Variants in EPHA10 observed in about 807,000 individuals in gnomAD.
EPHA10 encodes the protein ephrin type-A receptor 10.
Under a neutral mutation model 109.7 loss-of-function variants are expected in EPHA10, and 120 were observed. That is an observed-to-expected ratio of 1.09 (90% confidence interval 0.94 to 1.27). The LOEUF (loss-of-function observed/expected upper bound fraction) is 1.27. Among genes scored for constraint, EPHA10 ranks in the 50% most tolerant of loss-of-function variants. The pLI is 0.00. For synonymous variants in EPHA10, 640 were observed against 618.9 expected (o/e 1.03, Z -0.51); for missense variants, 1,396 against 1,411.1 (o/e 0.99, Z 0.17).
At position 37,764,434 on chromosome 1, in the gene EPHA10, C is replaced by G. The variant is rs1646458356; in HGVS notation, c.106+527G>C. 6.6e-6 allele frequency among the ~76,000 whole-genome samples: 1 copy of G among 152,234 alleles called. No individual in the cohort carries two copies. The highest frequency in any genetic ancestry group is 2.4e-5 in the African/African-American group (1 of 41,474). ...GCCTCAAACCCGGCAACGCGGAGCG[C>G]GCCCGGCAGACTACGCTCAGAATTC... On this transcript the variant is annotated intron_variant, in intron 1 of 16. Coordinates refer to ENST00000373048, the MANE Select transcript of EPHA10 (RefSeq NM_001099439.2). The surrounding 1 kb of genome is among the most constrained non-coding windows in gnomAD (Gnocchi z 5.8).
rs746011474 is a variant in EPHA10 at position 37,765,059 on chromosome 1, G to T, written c.8C>A (p.Thr3Asn). The T allele has an allele frequency of 1.3e-6, 2 of 1,598,478 alleles. No homozygotes were observed. Among genetic ancestry groups the T allele is most frequent in the South Asian group, 2.3e-5 (2 of 88,840 alleles). The stretch of plus-strand genomic sequence containing the variant: ...GCGCAGCGGGTGTGGACCGGCGCAG[G>T]TCTCCATGGTCCGCAGACCGAGCTG... ME[T>N]CAGPHPLRLF... Residue 3 changes from threonine to asparagine, a missense_variant, in exon 1 of 17, where the codon ACC becomes AAC. Transcript: ENST00000373048.
chr1:37,717,032 C>CCCCCCCCCCACAAA lies in EPHA10; in HGVS notation c.*1339_*1340insTTTGTGGGGGGGGG. ...CTTGTCTCCTCTTTCCCGCCCCATC[C>CCCCCCCCCCACAAA]CACCCCACCAACACACAGCCAAGCA... is the stretch of plus-strand genomic sequence containing the variant. On this transcript the variant is annotated 3_prime_UTR_variant, in exon 17 of 17. Coordinates refer to ENST00000373048, the MANE Select transcript of EPHA10 (RefSeq NM_001099439.2). 1 of 226,610 alleles carries CCCCCCCCCCACAAA rather than the reference C, an allele frequency of 4.4e-6. No homozygotes were observed. Among genetic ancestry groups the CCCCCCCCCCACAAA allele is most frequent in the East Asian group, 6.3e-5 (1 of 15,896 alleles). 14.0% of individuals were successfully genotyped at this position (226,610 alleles called of 1,614,324 possible).
intron 7 of EPHA10, among the ~76,000 whole-genome samples, chr1:37,727,973 T>G (rs1227019636): frequency 6.6e-6 from 1 of 152,130 alleles, no homozygotes; most frequent in African/African-American, 2.4e-5. Context: ...TGAATGGGCC[T>G]ACGGGTGAGA....
rs1387034193 is a variant in EPHA10 at position 37,735,369 on chromosome 1, A to G, written c.1379T>C (p.Ile460Thr). ...GPGAPWEEDE[I>T]RRDRVEPQSV... ...CTGGGGTTCCACTCGGTCCCTGCGG[A>G]TCTCATCCTCCTCCCAGGGCGCTGA... Residue 460 changes from isoleucine (I) to threonine (T), a missense_variant, in exon 6 of 17, where the codon ATC becomes ACC. Coordinates refer to ENST00000373048, the MANE Select transcript of EPHA10 (RefSeq NM_001099439.2). 6.3e-7 allele frequency: 1 copy of G among 1,580,346 alleles called. No homozygotes were observed. Among genetic ancestry groups the G allele is most frequent in the East Asian group, 2.3e-5 (1 of 43,394 alleles).
intron 4 of EPHA10, among the ~76,000 whole-genome samples, chr1:37,753,767 G>A (rs1429626744): frequency 6.6e-6 from 1 of 152,004 alleles, no homozygotes. Context: ...AGAGACGGGG[G>A]CGTGGGGGCC....
At chr1:37,731,716 A>C in intron 6 of EPHA10, 134 bp from the exon 7 acceptor site, 1 of 929,798 alleles carries the variant, frequency 1.1e-6, no homozygotes, top group Non-Finnish European at 1.5e-6. Flanking sequence ...ACCCAACCTC[A>C]ATCATCTTGG....
At position 37,764,528 on chromosome 1, in the gene EPHA10, C is replaced by G. The variant is rs1646459147; in HGVS notation, c.106+433G>C. Among the ~76,000 whole-genome samples the G allele has an allele frequency of 6.6e-6, 1 of 152,092 alleles. No individual in the cohort carries two copies. The highest frequency in any genetic ancestry group is 1.5e-5 in the Non-Finnish European group (1 of 68,022). ...GGATCCAGCCCCCTCGACCAGCATTCCACCTTCTGTTGGCCACACTGTGGT... is the reference window on the plus strand; with the variant it reads ...GGATCCAGCCCCCTCGACCAGCATTGCACCTTCTGTTGGCCACACTGTGGT... On this transcript the variant is annotated intron_variant, in intron 1 of 16. Transcript: ENST00000373048. This position sits in a 1 kb window ranked among gnomAD's most constrained non-coding sequence, Gnocchi z 5.8.
At chr1:37,724,385 T>C (rs999570208) in intron 8 of EPHA10, among the ~76,000 whole-genome samples, 4 of 151,968 alleles carry the variant, frequency 2.6e-5, no homozygotes, top group Non-Finnish European at 4.4e-5. Context: ...TGTCTGGAGC[T>C]TGGAAGAGAG....
intron 5 of EPHA10, among the ~76,000 whole-genome samples, chr1:37,736,283 C>A (rs1646068814): frequency 6.6e-6 from 1 of 151,938 alleles, no homozygotes; most frequent in African/African-American, 2.4e-5. Flanking sequence ...TCGAGACCAG[C>A]CTGATCAAAT....
In EPHA10 at chr1:37,765,010, G is replaced by A. The variant is rs1448554554; in HGVS notation, c.57C>T (p.Leu19=). 2 of 1,611,238 alleles carry A rather than the reference G, an allele frequency of 1.2e-6. No individual in the cohort carries two copies. The highest frequency in any genetic ancestry group is 1.7e-5 in the Admixed American group (1 of 59,784). ...PLRLFLCRMQ[L]CLALLLGPWR... ...AGGGTCCCAAAAGCAGCGCGAGACA[G>A]AGCTGCATCCGGCAGAGGAAGAGGC... The change falls in exon 1 of 17, where the codon CTC becomes CTT. Residue 19 remains leucine, a synonymous_variant. Coordinates refer to ENST00000373048, the MANE Select transcript of EPHA10 (RefSeq NM_001099439.2).
Position 37,761,714 on chromosome 1 carries a change from C to T in EPHA10, c.541G>A (p.Gly181Arg). Residue 181 changes from glycine (G) to arginine (R), a missense_variant, in exon 3 of 17, where the codon GGA becomes AGA. By Grantham distance (125) the Gly-to-Arg change is moderately radical. Transcript: ENST00000373048. ...TGGAAACCCCGCCGGCTGAGCGGTCCGATCTCGCGCACCTCTGTGTTCAGC... is the reference window on the plus strand; with the variant it reads ...TGGAAACCCCGCCGGCTGAGCGGTCTGATCTCGCGCACCTCTGTGTTCAGC... ...MKLNTEVREIGPLSRRGFHLA... is the reference protein window; with the variant it reads ...MKLNTEVREIRPLSRRGFHLA... 1.2e-6 allele frequency: 2 copies of T among 1,613,586 alleles called. No individual in the cohort carries two copies. Among genetic ancestry groups the T allele is most frequent in the South Asian group, 1.1e-5 (1 of 91,070 alleles).
chr1:37,734,621 C>T lies in EPHA10; in HGVS notation c.1491+636G>A, dbSNP rs775057435. ...TGGGATGTGACTCCATTTGTTACAT[C>T]ACAGCTAAGCTGCAACCACAGATTG... On this transcript the variant is annotated intron_variant, in intron 6 of 16. Coordinates refer to ENST00000373048, the MANE Select transcript of EPHA10 (RefSeq NM_001099439.2). 11 of 456,060 alleles carry T rather than the reference C, an allele frequency of 2.4e-5. 2 individuals carry two copies. Among genetic ancestry groups the T allele is most frequent in the South Asian group, 1.5e-4 (10 of 64,530 alleles). 28.3% of individuals were successfully genotyped at this position (456,060 alleles called of 1,614,324 possible). A position where few individuals can be genotyped will look rare whatever the true frequency, so the allele number is the denominator to read the frequency against.
rs1645710401 is a variant in EPHA10 at position 37,717,408 on chromosome 1, G to A, written c.*964C>T. On this transcript the variant is annotated 3_prime_UTR_variant, in exon 17 of 17. Transcript: ENST00000373048. The stretch of plus-strand genomic sequence containing the variant: ...AGAGCCAGCCTTACCCCTGGATTGG[G>A]TTCTGACCTCAGCTCTGCTCCTGAC... The A allele has an allele frequency of 4.3e-6, 1 of 232,536 alleles. No individual in the cohort carries two copies. The highest frequency in any genetic ancestry group is 8.5e-6 in the Non-Finnish European group (1 of 117,730). The allele number at this position is 232,536 out of a possible 1,614,324, so 14.4% of individuals were successfully genotyped here.
rs1439347642 is a variant in EPHA10 at position 37,718,805 on chromosome 1, G to A, written c.2768C>T (p.Pro923Leu). 2 of 1,611,358 alleles carry A rather than the reference G, an allele frequency of 1.2e-6. No individual in the cohort carries two copies. The highest frequency in any genetic ancestry group is 4.5e-5 in the East Asian group (2 of 44,854). ...ALTTCPRPPT[P>L]LADRAFSTFP... is the part of the protein sequence containing the mutation. ...GGTGGAGAAGGCACGGTCCGCTAGT[G>A]GGGTGGGAGGCCTGCGGGTCAGAGG... The change falls in exon 16 of 17, where the codon CCA becomes CTA. Residue 923 changes from proline to leucine, a missense_variant. Physicochemically the swap from Pro to Leu is moderately conservative, Grantham distance 98. Transcript: ENST00000373048.
At position 37,752,897 on chromosome 1, in the gene EPHA10, T is replaced by C; in HGVS notation, c.1336A>G (p.Thr446Ala). The change falls in exon 5 of 17, where the codon ACC becomes GCC. Residue 446 changes from threonine (T) to alanine (A), a missense_variant. Transcript: ENST00000373048. ...TTACCCCCGGGCCCGGTGGAGACGG[T>C]GACCTGCGCGTAGGTGGTTCCCGCG... ...AAAGTTYAQV[T>A]VSTGPGAPWE... The C allele has an allele frequency of 7.7e-7, 1 of 1,303,798 alleles. No individual in the cohort carries two copies. The highest frequency in any genetic ancestry group is 9.7e-7 in the Non-Finnish European group (1 of 1,029,834). 80.8% of individuals were successfully genotyped at this position (1,303,798 alleles called of 1,614,324 possible).
At chr1:37,745,647 G>T (rs1168457358) in intron 5 of EPHA10, among the ~76,000 whole-genome samples, 1 of 152,148 alleles carries the variant, frequency 6.6e-6, no homozygotes, top group Non-Finnish European at 1.5e-5. Flanking sequence ...CCAGGAGTTT[G>T]AAACCAACCT....
intron 5 of EPHA10, among the ~76,000 whole-genome samples, chr1:37,749,548 C>CTA (rs1395858247): frequency 3.3e-5 from 5 of 151,828 alleles, no homozygotes; most frequent in Non-Finnish European, 7.4e-5. Flanking sequence ...TGGTGTGTGC[C>CTA]TGTAATACCA....
intron 4 of EPHA10, among the ~76,000 whole-genome samples, chr1:37,753,926 G>A (rs1199527954): frequency 6.6e-6 from 1 of 152,062 alleles, no homozygotes; most frequent in Non-Finnish European, 1.5e-5. Flanking sequence ...GCAGGGTGAG[G>A]AGAGGGCAGC....
intron 1 of EPHA10, among the ~76,000 whole-genome samples, chr1:37,763,662 TAGAG>T (rs10607448): frequency 2.7e-5 from 4 of 150,060 alleles, no homozygotes; most frequent in Admixed American, 6.6e-5. Flanking sequence ...AAGAGTCAAT[TAGAG>T]AGAGAGAGAG....
Sources: gnomAD v4.1 joint callset for allele counts (sites outside exome capture counted in the v4.1 genomes callset) on GRCh38, gnomAD v4.1.1 for gene constraint, Gnocchi (gnomAD v3.1) non-coding constraint, MANE v1.5 for transcripts, NCBI Gene and HGNC (gene_info 2026-07-23, HGNC 2026-07-21) for gene names.